Variants in APOL4 observed in about 807,000 individuals in gnomAD.
APOL4 encodes apolipoprotein L4.
APOL4 carries 14 observed loss-of-function variants against 12.1 expected under a neutral mutation model. That is an observed-to-expected ratio of 1.16 (90% CI 0.76 to 1.81). APOL4 has a LOEUF of 1.81. Among genes scored for constraint, APOL4 ranks in the 40% most tolerant of loss-of-function variants. The pLI is 0.00. For synonymous variants in APOL4, 171 were observed against 160.6 expected (o/e 1.06, Z -0.49); for missense variants, 432 against 423.1 (o/e 1.02, Z -0.18).
At chr22:36,202,521 A>C (rs565717295), upstream of APOL4, among the ~76,000 whole-genome samples, 40 of 152,100 alleles carry the variant, frequency 2.6e-4, no homozygotes, top group Non-Finnish European at 4.6e-4. Context: ...AGGTCAGGAG[A>C]TGGAGACCAT....
At chr22:36,196,872 TC>T (rs2014425579) in intron 2 of APOL4, among the ~76,000 whole-genome samples, 1 of 152,222 alleles carries the variant, frequency 6.6e-6, no homozygotes, top group Admixed American at 6.5e-5. Flanking sequence ...TTCTGCATTC[TC>T]CCCTGTAGTA....
Position 36,190,449 on chromosome 22 carries a change from G to A in APOL4, c.*626C>T, listed in dbSNP as rs2014212425. On this transcript the variant is annotated 3_prime_UTR_variant, in exon 4 of 4. Transcript: ENST00000683024. ...TTTCCTCTTCCTAATAAGCCTGGGA[G>A]CGCTATGGGAGACTGGGGTTTATTT... The A allele has an allele frequency of 6.6e-6, 1 of 152,296 alleles. No homozygotes were observed. The highest frequency in any genetic ancestry group is 6.5e-5 in the Admixed American group (1 of 15,290). 9.4% of individuals were successfully genotyped at this position (152,296 alleles called of 1,614,324 possible).
intron 2 of APOL4, chr22:36,197,582 A>ACC (rs112900962): frequency 9.6e-6 from 14 of 1,465,966 alleles, no homozygotes; most frequent in Non-Finnish European, 1.3e-5. Flanking sequence ...AACAGCTGTA[A>ACC]CCCCCCATGA....
chr22:36,193,699 C>T (rs1295979463), intron 3 of APOL4, among the ~76,000 whole-genome samples: 1 of 152,210 alleles, frequency 6.6e-6, no homozygotes. Context: ...AGAATTCAAA[C>T]ACAACCTCAG....
intron 2 of APOL4, among the ~76,000 whole-genome samples, chr22:36,197,235 C>G (rs986652534): frequency 6.6e-6 from 1 of 152,172 alleles, no homozygotes; most frequent in Admixed American, 6.5e-5. Flanking sequence ...TCATCTTGGA[C>G]AGGACTCAGC....
intron 3 of APOL4, among the ~76,000 whole-genome samples, chr22:36,194,076 T>C (rs1378942844): frequency 6.6e-6 from 1 of 152,196 alleles, no homozygotes; most frequent in African/African-American, 2.4e-5. Context: ...TTGGACAAGA[T>C]GGTAGAGAAA....
chr22:36,195,242 A>G, intron 3 of APOL4, 69 bp downstream of exon 3: 1 of 1,554,632 alleles, frequency 6.4e-7, no homozygotes, highest in Non-Finnish European at 8.7e-7. Flanking sequence ...CCTGCCAGAG[A>G]AAACTAGCCC....
chr22:36,203,462 GA>G (rs2014642669), upstream of APOL4, among the ~76,000 whole-genome samples: 1 of 152,160 alleles, frequency 6.6e-6, no homozygotes, highest in Non-Finnish European at 1.5e-5. Context: ...ACAGTATACA[GA>G]GATAAGAATT....
intron 1 of APOL4, among the ~76,000 whole-genome samples, chr22:36,200,562 T>C (rs1375422991): frequency 6.6e-6 from 1 of 152,260 alleles, no homozygotes; most frequent in Non-Finnish European, 1.5e-5. Context: ...TGATGGACCT[T>C]AGGGTGTTTC....
intron 2 of APOL4, among the ~76,000 whole-genome samples, chr22:36,196,669 A>C (rs1382082205): frequency 2.6e-5 from 4 of 152,158 alleles, no homozygotes; most frequent in African/African-American, 9.7e-5. Context: ...GCACTGGGAC[A>C]TGATGTATAA....
chr22:36,194,416 C>T (rs1282305701), intron 3 of APOL4, among the ~76,000 whole-genome samples: 1 of 152,158 alleles, frequency 6.6e-6, no homozygotes, highest in East Asian at 1.9e-4. Context: ...CTCTCACCCT[C>T]CTCCCAGCCT....
chr22:36,203,836 C>T (rs2014655702), upstream of APOL4, among the ~76,000 whole-genome samples: 1 of 152,242 alleles, frequency 6.6e-6, no homozygotes, highest in Admixed American at 6.5e-5. Flanking sequence ...ATTGTCTTTA[C>T]ACAATCCTGC....
In APOL4 at chr22:36,191,634, C is replaced by A. The variant is rs146308862; in HGVS notation, c.488G>T (p.Gly163Val). Residue 163 changes from glycine (G) to valine (V), a missense_variant, in exon 4 of 4, where the codon GGG becomes GTG. Physicochemically the swap from Gly to Val is moderately radical, Grantham distance 109. Transcript: ENST00000683024. ...AGCTGCAGTAATGCTCAGGCTCAGCCCTGCTGTAAATGGTGCCAACATAAC... is the reference window on the plus strand; with the variant it reads ...AGCTGCAGTAATGCTCAGGCTCAGCACTGCTGTAAATGGTGCCAACATAAC... ...IGVMLAPFTA[G>V]LSLSITAAGV... The A allele has an allele frequency of 6.2e-7, 1 of 1,613,848 alleles. No homozygotes were observed. The highest frequency in any genetic ancestry group is 8.5e-7 in the Non-Finnish European group (1 of 1,179,800).
intron 2 of APOL4, among the ~76,000 whole-genome samples, chr22:36,196,422 C>G (rs569085102): frequency 6.6e-6 from 1 of 152,196 alleles, no homozygotes; most frequent in Non-Finnish European, 1.5e-5. Context: ...TGGTTTATCA[C>G]TGACCACTCC....
At chr22:36,198,134 C>A (rs1241240744) in intron 2 of APOL4, among the ~76,000 whole-genome samples, 2 of 152,230 alleles carry the variant, frequency 1.3e-5, no homozygotes, top group African/African-American at 4.8e-5. Context: ...CACCCCTGAG[C>A]CTGCGCTTCT....
intron 3 of APOL4, among the ~76,000 whole-genome samples, chr22:36,193,044 C>T (rs2014307513): frequency 6.6e-6 from 1 of 152,230 alleles, no homozygotes; most frequent in Admixed American, 6.5e-5. Context: ...AGCAAGAATC[C>T]CCCAAAGTCA....
At chr22:36,197,821 C>T (rs1405181908) in intron 2 of APOL4, 2 of 1,547,394 alleles carry the variant, frequency 1.3e-6, no homozygotes, top group South Asian at 1.2e-5. Flanking sequence ...AGGGGATGGG[C>T]CCAGAGGACC....
upstream of APOL4, among the ~76,000 whole-genome samples, chr22:36,203,746 C>T (rs939725101): frequency 6.6e-6 from 1 of 152,200 alleles, no homozygotes; most frequent in South Asian, 2.1e-4. Flanking sequence ...GGACAGGCGC[C>T]CCCCTGCATC....
At chr22:36,203,738 A>T (rs2014651213), upstream of APOL4, among the ~76,000 whole-genome samples, 1 of 152,170 alleles carries the variant, frequency 6.6e-6, no homozygotes, top group Non-Finnish European at 1.5e-5. Context: ...GTCCATATGG[A>T]CAGGCGCCCC....
Sources: allele counts gnomAD v4.1 joint callset (sites outside exome capture counted in the v4.1 genomes callset), GRCh38; gene constraint gnomAD v4.1.1; transcripts MANE v1.5; gene names NCBI Gene and HGNC (gene_info 2026-07-23, HGNC 2026-07-21).